The following EDARADD variants were observed in gnomAD, a reference collection of about 807,000 sequenced individuals.
EDARADD encodes ectodysplasin-A receptor-associated adapter protein.
EDARADD carries 20 observed loss-of-function variants against 25.6 expected under a neutral mutation model. The observed-to-expected ratio is 0.78, with a 90% CI of 0.55 to 1.14. EDARADD has a LOEUF of 1.14. EDARADD is among the 50% of genes most tolerant of loss of function. The pLI, the probability that EDARADD is intolerant of heterozygous loss-of-function variation, is 0.00. For missense variants in EDARADD, 225 were observed against 270.1 expected, an observed-to-expected ratio of 0.83 and a Z score of 1.17; for synonymous variants, 86 against 94.4, an observed-to-expected ratio of 0.91 and a Z score of 0.52.
Position 236,429,219 on chromosome 1 carries a change from A to ATT in EDARADD, c.219+1787_219+1788dup, listed in dbSNP as rs754804481. On this transcript the variant is annotated intron_variant, in intron 4 of 5. Transcript: ENST00000334232. ...GGGAGCGGGAGCGGGAGAGGGAGAG[A>ATT]TTTTTTTTTTTTTTTTTTTGAGGCA... Among the ~76,000 whole-genome samples, 1,133 of 122,130 alleles carry ATT rather than the reference A, an allele frequency of 9.3e-3. 20 individuals carry two copies. Among genetic ancestry groups the ATT allele is most frequent in the African/African-American group, 0.033 (1,065 of 32,042 alleles). The allele number at this position is 122,130 out of a possible 152,430, so 80.1% of individuals were successfully genotyped here.
intron 2 of EDARADD, among the ~76,000 whole-genome samples, chr1:236,349,775 C>T (rs773719206): frequency 6.6e-6 from 1 of 151,720 alleles, no homozygotes; most frequent in Non-Finnish European, 1.5e-5. Flanking sequence ...TTGATTATCT[C>T]CTGGATCTGG....
intron 4 of EDARADD, among the ~76,000 whole-genome samples, chr1:236,459,105 A>C (rs1189895071): frequency 6.6e-6 from 1 of 152,124 alleles, no homozygotes; most frequent in Non-Finnish European, 1.5e-5. Flanking sequence ...TAGAGACTGA[A>C]CCGGGGTGTC....
At chr1:236,399,392 G>A (rs533384093) in intron 1 of EDARADD, among the ~76,000 whole-genome samples, 1 of 152,012 alleles carries the variant, frequency 6.6e-6, no homozygotes, top group Admixed American at 6.6e-5. Context: ...TCACCATGTT[G>A]GCCAGGCTGG....
upstream of EDARADD, among the ~76,000 whole-genome samples, chr1:236,393,980 C>T (rs531032714): frequency 4.9e-5 from 7 of 142,958 alleles, no homozygotes; most frequent in South Asian, 2.5e-4. Flanking sequence ...GTAATAACTA[C>T]GTAACTAGTC....
intron 3 of EDARADD, among the ~76,000 whole-genome samples, chr1:236,357,837 T>A (rs1407800359): frequency 1.3e-5 from 2 of 151,948 alleles, no homozygotes; most frequent in African/African-American, 4.8e-5. Context: ...ATATTCAAAC[T>A]ATATCACCAC....
At chr1:236,405,868 TC>T (rs1279515510) in intron 1 of EDARADD, among the ~76,000 whole-genome samples, 88 of 61,208 alleles carry the variant, frequency 1.4e-3, no homozygotes, top group Admixed American at 4.4e-3. Flanking sequence ...CTTCCTTCCT[TC>T]CTTCCTTCTT....
At chr1:236,357,095 T>TAA (rs1052975084) in intron 3 of EDARADD, among the ~76,000 whole-genome samples, 1 of 144,172 alleles carries the variant, frequency 6.9e-6, no homozygotes, top group African/African-American at 2.6e-5. Context: ...AAATAAAAAA[T>TAA]AAAAAAAAAA....
At chr1:236,452,686 C>T (rs1451081361) in intron 4 of EDARADD, among the ~76,000 whole-genome samples, 2 of 152,226 alleles carry the variant, frequency 1.3e-5, no homozygotes, top group East Asian at 1.9e-4. Flanking sequence ...TGGACTAATA[C>T]ACTTCTATAA....
chr1:236,395,601 G>A lies in EDARADD; in HGVS notation c.61+1096G>A, dbSNP rs1269378756. 6.4e-7 allele frequency: 1 copy of A among 1,555,306 alleles called. No individual in the cohort carries two copies. Among genetic ancestry groups the A allele is most frequent in the Non-Finnish European group, 8.7e-7 (1 of 1,152,372 alleles). ...CCCCGGAGGCCTGCCAGCCCCGCTC[G>A]GACGCTCGTTTGCCCCTAACCCGCC... On this transcript the variant is annotated intron_variant, in intron 1 of 5. Transcript: ENST00000334232. This position sits in a 1 kb window ranked among gnomAD's most constrained non-coding sequence, Gnocchi z 6.9.
At chr1:236,355,255 T>C (rs1666959932) in intron 3 of EDARADD, among the ~76,000 whole-genome samples, 1 of 152,220 alleles carries the variant, frequency 6.6e-6, no homozygotes, top group Admixed American at 6.5e-5. Context: ...TGTTATTTTC[T>C]TCCTCTTGTT....
At chr1:236,357,729 G>A (rs145113100) in intron 3 of EDARADD, among the ~76,000 whole-genome samples, 16 of 151,912 alleles carry the variant, frequency 1.1e-4, no homozygotes, top group Non-Finnish European at 2.1e-4. Flanking sequence ...GAATAGCACC[G>A]AGACGTGAGG....
At chr1:236,432,509 A>G (rs1437541298) in intron 4 of EDARADD, among the ~76,000 whole-genome samples, 4 of 152,240 alleles carry the variant, frequency 2.6e-5, no homozygotes, top group Non-Finnish European at 1.5e-5. Context: ...AGTTGGAGTT[A>G]GAAGTTATGA....
At chr1:236,432,997 G>A (rs191720210) in intron 4 of EDARADD, among the ~76,000 whole-genome samples, 13 of 151,768 alleles carry the variant, frequency 8.6e-5, no homozygotes, top group African/African-American at 2.7e-4. Flanking sequence ...ATTTACTTGC[G>A]ACAAATGTAT....
intron 3 of EDARADD, among the ~76,000 whole-genome samples, chr1:236,360,198 T>C (rs1667029748): frequency 6.6e-6 from 1 of 152,046 alleles, no homozygotes; most frequent in South Asian, 2.1e-4. Context: ...GGTGTACACC[T>C]GTAGTTCCAG....
At chr1:236,377,583 A>G (rs78307427) in intron 3 of EDARADD, among the ~76,000 whole-genome samples, 22,289 of 148,762 alleles carry the variant, frequency 0.15, 2,283 homozygotes, top group East Asian at 0.42. Context: ...TTTTTGGCTG[A>G]GCGTGGTGGC....
At chr1:236,429,219 A>ATTTTTT (rs754804481) in intron 4 of EDARADD, among the ~76,000 whole-genome samples, 5 of 122,176 alleles carry the variant, frequency 4.1e-5, no homozygotes, top group African/African-American at 1.6e-4. Context: ...AGAGGGAGAG[A>ATTTTTT]TTTTTTTTTT....
At chr1:236,355,741 C>T (rs887438446) in intron 3 of EDARADD, among the ~76,000 whole-genome samples, 5 of 151,798 alleles carry the variant, frequency 3.3e-5, no homozygotes, top group African/African-American at 1.2e-4. Context: ...AACTCCTGAC[C>T]TCAGGTGATC....
chr1:236,479,501 A>G (rs1659604962), intron 5 of EDARADD, among the ~76,000 whole-genome samples: 1 of 144,952 alleles, frequency 6.9e-6, no homozygotes, highest in Admixed American at 7.0e-5. Context: ...TCTCAAAAAA[A>G]AAGAAAAAAA....
chr1:236,365,374 T>C (rs1013582470), intron 3 of EDARADD, among the ~76,000 whole-genome samples: 1 of 152,198 alleles, frequency 6.6e-6, no homozygotes, highest in African/African-American at 2.4e-5. Flanking sequence ...TTGCCCAGGA[T>C]GATCTCAAAC....
Sources: allele counts gnomAD v4.1 joint callset (sites outside exome capture counted in the v4.1 genomes callset), GRCh38; gene constraint gnomAD v4.1.1; non-coding constraint Gnocchi (gnomAD v3.1); transcripts MANE v1.5; gene names NCBI Gene and HGNC (gene_info 2026-07-23, HGNC 2026-07-21).